The following PARN variants were observed in gnomAD, a reference collection of about 807,000 sequenced individuals.
PARN encodes the protein poly(A)-specific ribonuclease, also known as poly(A)-specific ribonuclease PARN.
Under a neutral mutation model 102.8 loss-of-function variants are expected in PARN, and 71 were observed. The observed-to-expected ratio is 0.69, with a 90% CI of 0.57 to 0.84. The LOEUF (loss-of-function observed/expected upper bound fraction) is 0.84. Ranked by LOEUF, PARN falls within the 40% of genes least tolerant of loss-of-function variation. The pLI is 0.00. For missense variants in PARN, 782 were observed against 760.9 expected, an observed-to-expected ratio of 1.03 and a Z score of -0.33; for synonymous variants, 261 against 252.9, an observed-to-expected ratio of 1.03 and a Z score of -0.30.
chr16:14,561,801 C>A (rs1279908452), intron 18 of PARN, among the ~76,000 whole-genome samples: 1 of 152,142 alleles, frequency 6.6e-6, no homozygotes, highest in African/African-American at 2.4e-5. Context: ...GAGAAAGACC[C>A]TGTCTACACA....
At position 14,552,034 on chromosome 16, in the gene PARN, C is replaced by T. The variant is rs771877532; in HGVS notation, c.1467G>A (p.Glu489=). Residue 489 remains glutamate (E), a synonymous_variant, in exon 21 of 24, where the codon GAG becomes GAA. Coordinates refer to ENST00000437198, the MANE Select transcript of PARN (RefSeq NM_002582.4). ...CAAAACACTTACCAATCTTTACTTG[C>T]TCGGGCTGGCTAAGGGAAACAAATG... ...TSAFVSLSQP[E]QVKIAVNTSK... 1.2e-6 allele frequency: 2 copies of T among 1,611,260 alleles called. No individual in the cohort carries two copies. The highest frequency in any genetic ancestry group is 3.3e-5 in the Admixed American group (2 of 59,902).
At chr16:14,617,382 CAAAAAAAAAAAA>C (rs66483121) in intron 6 of PARN, among the ~76,000 whole-genome samples, 196 bp downstream of exon 6, 1 of 91,886 alleles carries the variant, frequency 1.1e-5, no homozygotes, top group Non-Finnish European at 2.1e-5. Context: ...AGACTCTTCT[CAAAAAAAAAAAA>C]AAAAAAAAAA....
At chr16:14,443,504 C>T (rs769502529) in intron 23 of PARN, among the ~76,000 whole-genome samples, 7 of 152,046 alleles carry the variant, frequency 4.6e-5, no homozygotes, top group Non-Finnish European at 1.0e-4. Flanking sequence ...CCATGCCAGG[C>T]TAATTTTTGT....
chr16:14,595,465 A>C (rs1416045611), intron 12 of PARN, among the ~76,000 whole-genome samples: 1 of 152,134 alleles, frequency 6.6e-6, no homozygotes, highest in Non-Finnish European at 1.5e-5. Context: ...CCCATGCTCA[A>C]GCAATCCTCC....
chr16:14,441,443 A>G (rs905952831), intron 23 of PARN, among the ~76,000 whole-genome samples: 11 of 152,240 alleles, frequency 7.2e-5, no homozygotes, highest in Admixed American at 4.6e-4. Context: ...AAGAAGCTGC[A>G]CAGGACACTG....
chr16:14,449,015 T>C (rs1442152589), intron 22 of PARN, among the ~76,000 whole-genome samples: 1 of 152,150 alleles, frequency 6.6e-6, no homozygotes, highest in Non-Finnish European at 1.5e-5. Context: ...TCGGCTGATT[T>C]CAGAAAATTT....
chr16:14,562,282 A>G (rs991552135), intron 18 of PARN, among the ~76,000 whole-genome samples: 2 of 152,110 alleles, frequency 1.3e-5, no homozygotes, highest in Non-Finnish European at 2.9e-5. Flanking sequence ...CCTGGGCAAC[A>G]TGACTGCTAC....
intron 19 of PARN, 117 bp from the exon 20 acceptor site, chr16:14,554,268 A>T (rs1967517002): frequency 9.1e-6 from 6 of 659,264 alleles, no homozygotes; most frequent in Non-Finnish European, 1.3e-5. Context: ...ATTCCTCATG[A>T]TTACCAAACA....
intron 19 of PARN, among the ~76,000 whole-genome samples, chr16:14,554,704 A>G (rs766612433): frequency 2.5e-4 from 38 of 152,052 alleles, no homozygotes; most frequent in Non-Finnish European, 3.8e-4. Flanking sequence ...TCGGTCTCCA[A>G]AAGTGCTGGA....
chr16:14,549,807 T>C (rs1967181609), intron 21 of PARN, among the ~76,000 whole-genome samples: 1 of 152,218 alleles, frequency 6.6e-6, no homozygotes, highest in Non-Finnish European at 1.5e-5. Context: ...ATGGGGCTCT[T>C]TGCTGGCAAC....
intron 3 of PARN, 66 bp downstream of exon 3, chr16:14,628,106 A>G (rs1308214757): frequency 1.1e-6 from 1 of 936,200 alleles, no homozygotes; most frequent in Non-Finnish European, 1.7e-6. Flanking sequence ...TAGTAACAAT[A>G]TTTATCATTT....
intron 22 of PARN, among the ~76,000 whole-genome samples, chr16:14,482,345 T>C (rs1306919018): frequency 6.6e-6 from 1 of 152,032 alleles, no homozygotes; most frequent in East Asian, 1.9e-4. Flanking sequence ...CAAGCTGTGA[T>C]TGTGCCACTG....
intron 21 of PARN, among the ~76,000 whole-genome samples, chr16:14,545,444 G>C (rs761865999): frequency 1.1e-4 from 17 of 152,114 alleles, no homozygotes; most frequent in African/African-American, 7.2e-5. Flanking sequence ...CAGGATCAAA[G>C]AAGAAATCAC....
intron 16 of PARN, among the ~76,000 whole-genome samples, chr16:14,583,126 A>G (rs1254866230): frequency 6.6e-6 from 1 of 152,202 alleles, no homozygotes. Context: ...TTTATATACA[A>G]TATGGTTCTT....
chr16:14,477,497 G>A (rs573587240), intron 22 of PARN, among the ~76,000 whole-genome samples: 2 of 151,194 alleles, frequency 1.3e-5, no homozygotes, highest in South Asian at 4.2e-4. Context: ...AAAATTACAG[G>A]CTGGGCGCGA....
At chr16:14,617,067 G>GC (rs1430429801) in intron 6 of PARN, among the ~76,000 whole-genome samples, 1 of 132,290 alleles carries the variant, frequency 7.6e-6, no homozygotes, top group East Asian at 2.2e-4. Flanking sequence ...TATGTTTTTT[G>GC]TTTTTTTTTA....
At chr16:14,616,387 A>G (rs996198387) in intron 6 of PARN, among the ~76,000 whole-genome samples, 2 of 152,246 alleles carry the variant, frequency 1.3e-5, no homozygotes, top group African/African-American at 4.8e-5. Context: ...GCCATTATCA[A>G]TCGTGCAGTC....
intron 21 of PARN, among the ~76,000 whole-genome samples, chr16:14,545,972 C>T (rs1315649155): frequency 1.3e-5 from 2 of 151,736 alleles, no homozygotes; most frequent in African/African-American, 4.8e-5. Flanking sequence ...AGAAAAAAAA[C>T]AGAAACCAAC....
chr16:14,437,199 T>C (rs1191497687), intron 23 of PARN, among the ~76,000 whole-genome samples: 1 of 152,064 alleles, frequency 6.6e-6, no homozygotes, highest in Admixed American at 6.5e-5. Context: ...TTGAGAGAAG[T>C]GGGGTAATAT....
Sources: allele counts gnomAD v4.1 joint callset (sites outside exome capture counted in the v4.1 genomes callset), GRCh38; gene constraint gnomAD v4.1.1; transcripts MANE v1.5; gene names NCBI Gene and HGNC (gene_info 2026-07-23, HGNC 2026-07-21).